TDRD5: variants seen among roughly 807,000 people sequenced by gnomAD.
TDRD5 encodes tudor domain-containing protein 5.
A neutral mutation model predicts 120.6 loss-of-function variants in TDRD5; 41 were observed. That is an observed-to-expected ratio of 0.34 (90% CI 0.26 to 0.44). The LOEUF is 0.44. Among genes scored for constraint, TDRD5 ranks in the 20% least tolerant of loss-of-function variants. The pLI is 1.00. For missense variants in TDRD5, 1,006 were observed against 1,221.2 expected, an observed-to-expected ratio of 0.82 and a Z score of 2.63; for synonymous variants, 430 against 433.7, an observed-to-expected ratio of 0.99 and a Z score of 0.11.
chr1:179,609,819 G>T (rs1382009009), intron 4 of TDRD5, among the ~76,000 whole-genome samples: 1 of 152,104 alleles, frequency 6.6e-6, no homozygotes, highest in Non-Finnish European at 1.5e-5. Context: ...CTCCACTTGC[G>T]CAAATCAGTA....
At chr1:179,640,657 GTGCAAAAGGAAGAT>G (rs1274691666) in intron 11 of TDRD5, among the ~76,000 whole-genome samples, 1 of 152,206 alleles carries the variant, frequency 6.6e-6, no homozygotes, top group African/African-American at 2.4e-5. Context: ...AATGGTAGAG[GTGCAAAAGGAAGAT>G]TGCTTGTTTC....
chr1:179,609,849 G>A (rs1439091915), intron 4 of TDRD5, among the ~76,000 whole-genome samples: 2 of 152,248 alleles, frequency 1.3e-5, no homozygotes, highest in Middle Eastern at 3.4e-3. Context: ...AAACTTAAGG[G>A]AGTTCCTCTG....
At chr1:179,644,404 C>T (rs561274196) in intron 11 of TDRD5, among the ~76,000 whole-genome samples, 66 of 152,122 alleles carry the variant, frequency 4.3e-4, no homozygotes, top group Admixed American at 9.2e-4. Flanking sequence ...GCTGTAATAA[C>T]TACAGGAGTA....
intron 17 of TDRD5, among the ~76,000 whole-genome samples, chr1:179,671,697 T>G (rs1468391757): frequency 6.6e-6 from 1 of 152,190 alleles, no homozygotes; most frequent in Non-Finnish European, 1.5e-5. Flanking sequence ...CACCTGAGTG[T>G]ATACACTGTA....
intron 4 of TDRD5, among the ~76,000 whole-genome samples, chr1:179,600,991 A>G (rs913673442): frequency 3.9e-5 from 6 of 152,152 alleles, no homozygotes; most frequent in African/African-American, 1.4e-4. Context: ...TTCATTCCTT[A>G]TATATTTATT....
At chr1:179,599,894 G>T (rs1675612884) in intron 4 of TDRD5, among the ~76,000 whole-genome samples, 1 of 152,080 alleles carries the variant, frequency 6.6e-6, no homozygotes, top group Non-Finnish European at 1.5e-5. Context: ...TTACATTTGT[G>T]GTGACAGTCA....
At chr1:179,637,463 G>C (rs900124025) in intron 9 of TDRD5, among the ~76,000 whole-genome samples, 1 of 152,142 alleles carries the variant, frequency 6.6e-6, no homozygotes, top group African/African-American at 2.4e-5. Flanking sequence ...TAATACTATA[G>C]ACTGGGTACA....
Position 179,647,054 on chromosome 1 carries a change from T to C in TDRD5, c.1801-3813T>C, listed in dbSNP as rs867086422. On this transcript the variant is annotated intron_variant, in intron 11 of 17. Transcript: ENST00000444136. Reference sequence around the variant, plus strand: ...GGTAATTTACAGATTCAATGCCATCTCCATCAAGCTACCAATGACTTTCTT... The same window carrying C: ...GGTAATTTACAGATTCAATGCCATCCCCATCAAGCTACCAATGACTTTCTT... 5.3e-3 allele frequency among the ~76,000 whole-genome samples: 795 copies of C among 150,152 alleles called. 3 individuals are homozygous for C. The highest frequency in any genetic ancestry group is 0.019 in the African/African-American group (748 of 40,408).
chr1:179,599,987 A>G (rs991108624), intron 4 of TDRD5, among the ~76,000 whole-genome samples: 31 of 152,176 alleles, frequency 2.0e-4, no homozygotes, highest in African/African-American at 7.2e-4. Context: ...TTTTTACTGT[A>G]CTTTGTACCA....
At chr1:179,687,978 T>C (rs1380612519) in intron 17 of TDRD5, among the ~76,000 whole-genome samples, 1 of 152,002 alleles carries the variant, frequency 6.6e-6, no homozygotes. Flanking sequence ...AGCACACTGA[T>C]GAGTCTTTAT....
intron 5 of TDRD5, 113 bp from the exon 6 acceptor site, chr1:179,620,922 A>G: frequency 1.2e-6 from 1 of 839,730 alleles, no homozygotes; most frequent in South Asian, 2.1e-5. Flanking sequence ...TATGACTAAA[A>G]TTCATTTAAT....
chr1:179,649,002 G>A (rs1678563916), intron 11 of TDRD5, among the ~76,000 whole-genome samples: 1 of 152,108 alleles, frequency 6.6e-6, no homozygotes, highest in Non-Finnish European at 1.5e-5. Flanking sequence ...AGAATTCTAG[G>A]TTAGCAGTTA....
intron 17 of TDRD5, among the ~76,000 whole-genome samples, chr1:179,684,897 T>A (rs1025619513): frequency 6.6e-6 from 1 of 152,200 alleles, no homozygotes; most frequent in African/African-American, 2.4e-5. Flanking sequence ...ATGGGGTTGA[T>A]TTTTTCTTGT....
chr1:179,665,673 C>T (rs1156884490), intron 16 of TDRD5, among the ~76,000 whole-genome samples: 1 of 152,176 alleles, frequency 6.6e-6, no homozygotes, highest in African/African-American at 2.4e-5. Flanking sequence ...TCTGAGTCCT[C>T]AAACTTTTTC....
At chr1:179,617,145 C>T (rs1459490549) in intron 4 of TDRD5, among the ~76,000 whole-genome samples, 1 of 152,078 alleles carries the variant, frequency 6.6e-6, no homozygotes, top group South Asian at 2.1e-4. Context: ...CCTCTCCTTC[C>T]CAGACCCATG....
intron 5 of TDRD5, among the ~76,000 whole-genome samples, chr1:179,619,220 T>C (rs1271757747): frequency 1.3e-5 from 2 of 152,176 alleles, no homozygotes; most frequent in African/African-American, 2.4e-5. Flanking sequence ...AGATTTATAC[T>C]CCCACTGACA....
At chr1:179,686,774 G>A (rs1223910043) in intron 17 of TDRD5, among the ~76,000 whole-genome samples, 1 of 152,016 alleles carries the variant, frequency 6.6e-6, no homozygotes, top group Non-Finnish European at 1.5e-5. Context: ...GTCTTGGGAG[G>A]GTGTATGTGT....
intron 16 of TDRD5, among the ~76,000 whole-genome samples, chr1:179,666,952 A>G (rs1679587274): frequency 6.6e-6 from 1 of 152,210 alleles, no homozygotes; most frequent in Non-Finnish European, 1.5e-5. Flanking sequence ...TTTCCAAACA[A>G]CTGTGAGGGA....
chr1:179,596,341 A>G (rs1675389709), intron 4 of TDRD5, among the ~76,000 whole-genome samples: 2 of 152,246 alleles, frequency 1.3e-5, no homozygotes, highest in Non-Finnish European at 1.5e-5. Flanking sequence ...TAGCTTTAGT[A>G]ACATAATTTA....
Sources: allele counts gnomAD v4.1 joint callset (sites outside exome capture counted in the v4.1 genomes callset), GRCh38; gene constraint gnomAD v4.1.1; transcripts MANE v1.5; gene names NCBI Gene and HGNC (gene_info 2026-07-23, HGNC 2026-07-21).